ST13: variants seen among roughly 807,000 people sequenced by gnomAD.
ST13 encodes ST13 Hsp70 interacting protein.
In ST13, 23 loss-of-function variants were observed where a neutral mutation model predicts 56.7. The observed-to-expected ratio is 0.41, with a 90% CI of 0.29 to 0.57. The LOEUF is 0.57. Ranked by LOEUF, ST13 falls within the 20% of genes least tolerant of loss-of-function variation. ST13 has a pLI of 0.36. For missense variants in ST13, 369 were observed against 459.9 expected, an observed-to-expected ratio of 0.80 and a Z score of 1.81; for synonymous variants, 132 against 142.4, an observed-to-expected ratio of 0.93 and a Z score of 0.52.
intron 5 of ST13, among the ~76,000 whole-genome samples, chr22:40,839,658 G>A (rs1004438550): frequency 4.6e-5 from 7 of 151,968 alleles, no homozygotes; most frequent in African/African-American, 1.7e-4. Flanking sequence ...CCAGCTACTA[G>A]GGAGGCTGAG....
At chr22:40,845,059 G>A (rs1191975350) in intron 3 of ST13, 150 bp from the exon 4 acceptor site, 6 of 588,548 alleles carry the variant, frequency 1.0e-5, no homozygotes, top group Middle Eastern at 4.6e-4. Flanking sequence ...TAAACATTTC[G>A]TTACTTTGGT....
In ST13 at chr22:40,826,430, C is replaced by G. The variant is rs1602646512; in HGVS notation, c.*108G>C. The stretch of plus-strand genomic sequence containing the variant: ...AGGGATTATCTTCAAAGCACCCCAG[C>G]TCTCTTGATGAGAAGGTCAGAGGTA... On this transcript the variant is annotated 3_prime_UTR_variant, in exon 12 of 12. Transcript: ENST00000216218. 3 of 1,169,688 alleles carry G rather than the reference C, an allele frequency of 2.6e-6. No homozygotes were observed. The highest frequency in any genetic ancestry group is 3.6e-6 in the Non-Finnish European group (3 of 840,028). 72.5% of individuals were successfully genotyped at this position (1,169,688 alleles called of 1,614,324 possible).
intron 1 of ST13, among the ~76,000 whole-genome samples, chr22:40,853,322 TTC>T (rs921182847): frequency 1.8e-4 from 28 of 152,256 alleles, no homozygotes; most frequent in Middle Eastern, 6.8e-3. Flanking sequence ...CCTGCAATTT[TTC>T]TGAGCTAGAA....
At chr22:40,856,373 G>T (rs1177161479) in intron 1 of ST13, 58 bp downstream of exon 1, 1 of 1,478,064 alleles carries the variant, frequency 6.8e-7, no homozygotes, top group Non-Finnish European at 9.4e-7. Flanking sequence ...GTCCAGCCTG[G>T]CTCCCCCCTG....
intron 5 of ST13, among the ~76,000 whole-genome samples, chr22:40,837,900 G>A (rs919485774): frequency 3.3e-5 from 5 of 152,056 alleles, no homozygotes; most frequent in South Asian, 2.1e-4. Context: ...CTTTCGCTTC[G>A]GCCCCTCAAA....
rs199814641 is a variant in ST13 at position 40,856,580 on chromosome 22, C to G, written c.-40G>C. ...GGGCGAAACTGGGGGGGCTACGGCC[C>G]GGTTCCAGGCCCAGGCGCTGGCTCG... On this transcript the variant is annotated 5_prime_UTR_variant, in exon 1 of 12. Coordinates refer to ENST00000216218, the MANE Select transcript of ST13 (RefSeq NM_003932.5). 2,491 of 1,553,216 alleles carry G rather than the reference C, an allele frequency of 1.6e-3. 1 individual carries two copies. Among genetic ancestry groups the G allele is most frequent in the Non-Finnish European group, 2.0e-3 (2,240 of 1,127,466 alleles).
intron 10 of ST13, among the ~76,000 whole-genome samples, chr22:40,829,062 T>C (rs1033801024): frequency 6.6e-6 from 1 of 152,216 alleles, no homozygotes; most frequent in African/African-American, 2.4e-5. Context: ...CAGCAGGTCA[T>C]CCTCAATATT....
At chr22:40,827,529 A>G (rs957319196) in intron 10 of ST13, among the ~76,000 whole-genome samples, 10 of 152,108 alleles carry the variant, frequency 6.6e-5, no homozygotes. Flanking sequence ...CCAGGCTAGA[A>G]TGCAGTGGTG....
intron 11 of ST13, 27 bp from the exon 12 acceptor site, chr22:40,826,693 T>TA (rs34574405): frequency 5.6e-6 from 9 of 1,607,182 alleles, no homozygotes; most frequent in Non-Finnish European, 7.6e-6. Flanking sequence ...CATTAGTATT[T>TA]AAAAAGTGTC....
intron 2 of ST13, among the ~76,000 whole-genome samples, chr22:40,848,945 A>G (rs1343207974): frequency 1.3e-5 from 2 of 152,240 alleles, no homozygotes; most frequent in African/African-American, 4.8e-5. Context: ...AAAGAATTTA[A>G]AAGTGCACGA....
chr22:40,836,802 G>A (rs2057779630), intron 5 of ST13, among the ~76,000 whole-genome samples: 1 of 152,122 alleles, frequency 6.6e-6, no homozygotes, highest in Admixed American at 6.5e-5. Context: ...AGAGTTCTTT[G>A]CACAAAGTCT....
In ST13 at chr22:40,827,091, C is replaced by T. The variant is rs375721469; in HGVS notation, c.981+5G>A. ...AAAGTCCAAAGTTTTTCTTCCAAGTCTTACCTGCATGGCTGCAAGAACCTC... is the reference window on the plus strand; with the variant it reads ...AAAGTCCAAAGTTTTTCTTCCAAGTTTTACCTGCATGGCTGCAAGAACCTC... On this transcript the variant is annotated splice_donor_5th_base_variant and intron_variant, in intron 11 of 11. Transcript: ENST00000216218. The T allele has an allele frequency of 3.2e-4, 509 of 1,611,058 alleles. No individual in the cohort carries two copies. The highest frequency in any genetic ancestry group is 4.2e-4 in the Non-Finnish European group (491 of 1,179,458).
At chr22:40,827,636 C>A (rs1460752738) in intron 10 of ST13, among the ~76,000 whole-genome samples, 1 of 151,680 alleles carries the variant, frequency 6.6e-6, no homozygotes, top group Non-Finnish European at 1.5e-5. Flanking sequence ...CACCACTATG[C>A]CTAATTTTTA....
At chr22:40,844,135 G>A (rs1047122568) in intron 4 of ST13, among the ~76,000 whole-genome samples, 3 of 151,754 alleles carry the variant, frequency 2.0e-5, no homozygotes, top group Non-Finnish European at 2.9e-5. Context: ...CACCCACCTC[G>A]GCCTCCCAAA....
chr22:40,836,137 T>C (rs1184581168), intron 5 of ST13, among the ~76,000 whole-genome samples: 1 of 152,222 alleles, frequency 6.6e-6, no homozygotes, highest in Admixed American at 6.5e-5. Flanking sequence ...ATTCTTAGTA[T>C]GACCCATATT....
intron 5 of ST13, among the ~76,000 whole-genome samples, chr22:40,840,139 G>A (rs1275483964): frequency 6.6e-6 from 1 of 152,144 alleles, no homozygotes; most frequent in Non-Finnish European, 1.5e-5. Flanking sequence ...AACAGAGTGA[G>A]AATCCGTCTC....
chr22:40,853,684 T>C (rs56030384), intron 1 of ST13, among the ~76,000 whole-genome samples: 1 of 152,234 alleles, frequency 6.6e-6, no homozygotes, highest in Non-Finnish European at 1.5e-5. Context: ...AAAAAATTGG[T>C]TGCTACACTC....
chr22:40,837,490 T>C (rs2057783410), intron 5 of ST13, among the ~76,000 whole-genome samples: 1 of 152,044 alleles, frequency 6.6e-6, no homozygotes, highest in Non-Finnish European at 1.5e-5. Context: ...CTACTAAAAA[T>C]ATAAAATTAG....
chr22:40,843,057 G>C (rs1006922790), intron 4 of ST13, among the ~76,000 whole-genome samples: 1 of 152,168 alleles, frequency 6.6e-6, no homozygotes, highest in Non-Finnish European at 1.5e-5. Context: ...GGCGTCAAGG[G>C]CGCAGTGAGC....
Sources: allele counts gnomAD v4.1 joint callset (sites outside exome capture counted in the v4.1 genomes callset), GRCh38; gene constraint gnomAD v4.1.1; transcripts MANE v1.5; gene names NCBI Gene and HGNC (gene_info 2026-07-23, HGNC 2026-07-21).